The following NRG3 variants were observed in gnomAD, a reference collection of about 807,000 sequenced individuals.
The protein encoded by NRG3 is pro-neuregulin-3, membrane-bound isoform.
NRG3 carries 31 observed loss-of-function variants against 66.9 expected under a neutral mutation model. The observed-to-expected ratio is 0.46, with a 90% CI of 0.35 to 0.63. The LOEUF (loss-of-function observed/expected upper bound fraction) is 0.63. NRG3 is among the 20% of genes least tolerant of loss of function. The probability of loss-of-function intolerance (pLI) is 0.00; values close to 1 mark genes in which losing one functional copy is unlikely to be tolerated. For missense variants in NRG3, 910 were observed against 878.9 expected, an observed-to-expected ratio of 1.04 and a Z score of -0.45; for synonymous variants, 393 against 359.4, an observed-to-expected ratio of 1.09 and a Z score of -1.06.
At chr10:82,263,126 G>A (rs182333721) in intron 1 of NRG3, among the ~76,000 whole-genome samples, 46 of 152,324 alleles carry the variant, frequency 3.0e-4, no homozygotes, top group African/African-American at 1.1e-3. Flanking sequence ...CCAAAACGAT[G>A]AGTCTGGGGA....
At chr10:82,868,259 G>A (rs1360207039) in intron 4 of NRG3, among the ~76,000 whole-genome samples, 1 of 152,160 alleles carries the variant, frequency 6.6e-6, no homozygotes, top group Non-Finnish European at 1.5e-5. Context: ...TGCAATCTAT[G>A]TATTAAGAGC....
intron 2 of NRG3, among the ~76,000 whole-genome samples, chr10:82,657,615 TG>T (rs1399947011): frequency 6.6e-6 from 1 of 151,656 alleles, no homozygotes; most frequent in East Asian, 1.9e-4. Flanking sequence ...ATATTCACCC[TG>T]GGGAAATACA....
intron 1 of NRG3, among the ~76,000 whole-genome samples, chr10:81,922,271 T>A (rs531688545): frequency 6.6e-6 from 1 of 152,322 alleles, no homozygotes. Flanking sequence ...TGTTTTGTAT[T>A]ATTACATGAC....
chr10:82,627,000 G>A (rs1313363252), intron 2 of NRG3, among the ~76,000 whole-genome samples: 1 of 140,936 alleles, frequency 7.1e-6, no homozygotes, highest in Non-Finnish European at 1.5e-5. Context: ...TAGCTATTTA[G>A]CTATTTTTTT....
intron 1 of NRG3, among the ~76,000 whole-genome samples, chr10:82,028,139 G>C (rs1471417715): frequency 6.6e-6 from 1 of 152,072 alleles, no homozygotes; most frequent in Non-Finnish European, 1.5e-5. Flanking sequence ...ACCTCTTCCT[G>C]CTTTTTTCTA....
chr10:82,243,994 T>C (rs2066345931), intron 1 of NRG3, among the ~76,000 whole-genome samples: 1 of 152,156 alleles, frequency 6.6e-6, no homozygotes, highest in Admixed American at 6.5e-5. Flanking sequence ...ATGCTATACT[T>C]TTTCTGAATC....
intron 1 of NRG3, among the ~76,000 whole-genome samples, chr10:82,097,020 A>G (rs946843175): frequency 1.3e-5 from 2 of 152,176 alleles, no homozygotes; most frequent in African/African-American, 4.8e-5. Flanking sequence ...TGCATAGAGT[A>G]ACTACCACCA....
At chr10:82,053,040 C>A (rs1347551875) in intron 1 of NRG3, among the ~76,000 whole-genome samples, 1 of 142,384 alleles carries the variant, frequency 7.0e-6, no homozygotes, top group African/African-American at 2.6e-5. Context: ...TTTATTCATT[C>A]ATTTATCAAA....
chr10:82,828,007 C>T (rs577606899), intron 3 of NRG3, among the ~76,000 whole-genome samples: 40 of 152,020 alleles, frequency 2.6e-4, no homozygotes, highest in African/African-American at 9.6e-4. Flanking sequence ...ATGGAGAAAC[C>T]TCTGCCCCTA....
chr10:82,002,491 A>G (rs2061212424), intron 1 of NRG3, among the ~76,000 whole-genome samples: 1 of 152,176 alleles, frequency 6.6e-6, no homozygotes, highest in African/African-American at 2.4e-5. Context: ...GTAATTCAGC[A>G]GCTGTGCAGT....
chr10:82,825,873 ATATAT>A (rs1161565322), intron 3 of NRG3, among the ~76,000 whole-genome samples: 2 of 152,168 alleles, frequency 1.3e-5, no homozygotes, highest in Non-Finnish European at 2.9e-5. Context: ...CATACTTTCT[ATATAT>A]TATATGTTAA....
intron 1 of NRG3, among the ~76,000 whole-genome samples, chr10:82,246,029 G>C (rs2134046057): frequency 7.0e-6 from 1 of 142,514 alleles, no homozygotes; most frequent in Admixed American, 7.2e-5. Flanking sequence ...GAAACACTCG[G>C]GTATTTATTC....
chr10:82,541,228 A>G (rs1037970487), intron 2 of NRG3, among the ~76,000 whole-genome samples: 1 of 152,230 alleles, frequency 6.6e-6, no homozygotes, highest in Non-Finnish European at 1.5e-5. Flanking sequence ...ATGAATGTCA[A>G]TATGAGTAGA....
intron 1 of NRG3, among the ~76,000 whole-genome samples, chr10:82,333,555 G>A (rs2082244960): frequency 6.6e-6 from 1 of 152,186 alleles, no homozygotes. Context: ...ATTTTTCCTT[G>A]TAGTATGTCT....
At chr10:82,093,221 G>A (rs2066136781) in intron 1 of NRG3, among the ~76,000 whole-genome samples, 1 of 152,194 alleles carries the variant, frequency 6.6e-6, no homozygotes, top group African/African-American at 2.4e-5. Flanking sequence ...TTACTAGGCT[G>A]TCTGATACAA....
chr10:82,596,058 T>C (rs2047257071), intron 2 of NRG3, among the ~76,000 whole-genome samples: 1 of 152,210 alleles, frequency 6.6e-6, no homozygotes, highest in Non-Finnish European at 1.5e-5. Context: ...TGAGTGGTAT[T>C]CAAATTATAC....
intron 1 of NRG3, among the ~76,000 whole-genome samples, chr10:82,195,595 G>C (rs111796587): frequency 0.014 from 2,177 of 152,182 alleles, 53 homozygotes; most frequent in African/African-American, 0.05. Flanking sequence ...ATGGTGGGAG[G>C]ATAATATCAC....
intron 4 of NRG3, among the ~76,000 whole-genome samples, chr10:82,869,295 T>C (rs1336269315): frequency 6.6e-6 from 1 of 152,174 alleles, no homozygotes; most frequent in Non-Finnish European, 1.5e-5. Context: ...TCTTCAAACA[T>C]GCACAGCTAC....
intron 1 of NRG3, among the ~76,000 whole-genome samples, chr10:82,034,012 G>A (rs1258179782): frequency 1.3e-5 from 2 of 152,090 alleles, no homozygotes; most frequent in African/African-American, 2.4e-5. Flanking sequence ...CCTTAGAAAT[G>A]ATTTAAAGTA....
Sources: allele counts gnomAD v4.1 joint callset (sites outside exome capture counted in the v4.1 genomes callset), GRCh38; gene constraint gnomAD v4.1.1; transcripts MANE v1.5; gene names NCBI Gene and HGNC (gene_info 2026-07-23, HGNC 2026-07-21).